The following DIAPH1 variants were observed in gnomAD, a reference collection of about 807,000 sequenced individuals.
DIAPH1 encodes protein diaphanous homolog 1.
DIAPH1 carries 46 observed loss-of-function variants against 140.7 expected under a neutral mutation model. That is an observed-to-expected ratio of 0.33 (90% CI 0.26 to 0.42). DIAPH1 has a LOEUF of 0.42. Ranked by LOEUF, DIAPH1 falls within the 10% of genes least tolerant of loss-of-function variation. DIAPH1 has a pLI of 1.00. For synonymous variants in DIAPH1, 565 were observed against 551.6 expected (o/e 1.02, Z -0.34); for missense variants, 1,310 against 1,558.7 (o/e 0.84, Z 2.69).
chr5:141,583,187 A>C lies in DIAPH1; in HGVS notation c.620+19T>G. The C allele has an allele frequency of 1.2e-6, 2 of 1,610,258 alleles. No individual in the cohort carries two copies. Among genetic ancestry groups the C allele is most frequent in the Non-Finnish European group, 1.7e-6 (2 of 1,176,468 alleles). On this transcript the variant is annotated intron_variant, in intron 6 of 27. Coordinates refer to ENST00000389054, the MANE Select transcript of DIAPH1 (RefSeq NM_005219.5). ...TGTGACTCTCCAACTTGAAGTTGCA[A>C]AGACTTGGAAGTCCTCACCCAGCAG...
chr5:141,614,571 T>G (rs2099902359), intron 1 of DIAPH1, among the ~76,000 whole-genome samples: 2 of 152,146 alleles, frequency 1.3e-5, no homozygotes, highest in Admixed American at 1.3e-4. Context: ...ATTTACCAAC[T>G]CTCCCAAGGC....
At chr5:141,538,779 T>G (rs185502834) in intron 18 of DIAPH1, among the ~76,000 whole-genome samples, 1,743 of 152,064 alleles carry the variant, frequency 0.011, 26 homozygotes, top group African/African-American at 0.028. Flanking sequence ...GTTTCGCCAC[T>G]TTGCCCAGGC....
In DIAPH1 at chr5:141,587,459, T is replaced by A. The variant is rs926350863; in HGVS notation, c.145-262A>T. On this transcript the variant is annotated intron_variant, in intron 2 of 27. Transcript: ENST00000389054. ...AAACCTCTTTAAACTAGAAGAAACA[T>A]TGTTCTTGATCTCCCCTGCCATTTC... 3 of 489,072 alleles carry A rather than the reference T, an allele frequency of 6.1e-6. No homozygotes were observed. The Admixed American group carries it at 1.0e-4, about 16-fold the overall frequency. The allele number at this position is 489,072 out of a possible 1,614,324, so 30.3% of individuals were successfully genotyped here. A position where few individuals can be genotyped will look rare whatever the true frequency, so the allele number is the denominator to read the frequency against.
At chr5:141,546,260 TA>T (rs1467627505) in intron 18 of DIAPH1, among the ~76,000 whole-genome samples, 1 of 152,008 alleles carries the variant, frequency 6.6e-6, no homozygotes, top group Non-Finnish European at 1.5e-5. Context: ...CGCATGCCTG[TA>T]ATCCCAGCTA....
chr5:141,572,782 A>T (rs1266263985), intron 16 of DIAPH1, among the ~76,000 whole-genome samples: 1 of 151,986 alleles, frequency 6.6e-6, no homozygotes, highest in Non-Finnish European at 1.5e-5. Flanking sequence ...AAAAAAAAAA[A>T]AATGGCCTGT....
intron 1 of DIAPH1, among the ~76,000 whole-genome samples, chr5:141,588,543 A>G (rs1320260301): frequency 6.6e-6 from 1 of 152,184 alleles, no homozygotes; most frequent in Non-Finnish European, 1.5e-5. Flanking sequence ...ATACACTTAT[A>G]AGATATGCTC....
chr5:141,521,917 A>G (rs1358152968), intron 27 of DIAPH1, among the ~76,000 whole-genome samples: 1 of 152,208 alleles, frequency 6.6e-6, no homozygotes, highest in Non-Finnish European at 1.5e-5. Context: ...ATTCTAGTCC[A>G]ACTCTCATTT....
chr5:141,548,384 A>G (rs1328401351), intron 18 of DIAPH1, among the ~76,000 whole-genome samples: 2 of 152,188 alleles, frequency 1.3e-5, no homozygotes, highest in Admixed American at 6.5e-5. Context: ...TAATATAGTA[A>G]AGGGAGTATT....
At chr5:141,618,675 G>A (rs542379972) in intron 1 of DIAPH1, 123 bp downstream of exon 1, 2 of 646,404 alleles carry the variant, frequency 3.1e-6, no homozygotes, top group African/African-American at 3.8e-5. Flanking sequence ...CGGACCGAGC[G>A]AAACGAGGAA....
At chr5:141,529,895 G>A (rs919920074) in intron 19 of DIAPH1, among the ~76,000 whole-genome samples, 198 bp from the exon 20 acceptor site, 4 of 152,004 alleles carry the variant, frequency 2.6e-5, no homozygotes, top group Non-Finnish European at 2.9e-5. Flanking sequence ...ACCAGCCTAG[G>A]CAACATGGGG....
intron 27 of DIAPH1, chr5:141,518,648 T>A (rs1366160254): frequency 2.8e-6 from 1 of 357,616 alleles, no homozygotes; most frequent in Non-Finnish European, 5.3e-6. Flanking sequence ...TCAGCCTCCC[T>A]AGTAGCTGGG....
intron 25 of DIAPH1, 48 bp from the exon 26 acceptor site, chr5:141,526,221 C>T (rs902773161): frequency 1.2e-6 from 2 of 1,614,004 alleles, no homozygotes; most frequent in African/African-American, 1.3e-5. Flanking sequence ...TGTATACCTA[C>T]TACCAGCCAA....
Position 141,529,793 on chromosome 5 carries a change from G to C in DIAPH1, c.2582-96C>G, listed in dbSNP as rs1265396565. On this transcript the variant is annotated intron_variant, in intron 19 of 27. Coordinates refer to ENST00000389054, the MANE Select transcript of DIAPH1 (RefSeq NM_005219.5). Reference sequence around the variant, plus strand: ...TATGCTGGATAATCTTCCTAACAGGGCTCTTTTAGGCCAGGCACAGTGGCT... The same window carrying C: ...TATGCTGGATAATCTTCCTAACAGGCCTCTTTTAGGCCAGGCACAGTGGCT... 3 of 1,084,842 alleles carry C rather than the reference G, an allele frequency of 2.8e-6. No homozygotes were observed. The East Asian group carries it at 7.3e-5, about 26-fold the overall frequency. 67.2% of individuals were successfully genotyped at this position (1,084,842 alleles called of 1,614,324 possible). A position where few individuals can be genotyped will look rare whatever the true frequency, so the allele number is the denominator to read the frequency against.
In DIAPH1 at chr5:141,552,552, T is replaced by C. The variant is rs1419833227; in HGVS notation, c.2483-18119A>G. 2.6e-5 allele frequency among the ~76,000 whole-genome samples: 4 copies of C among 152,302 alleles called. 1 individual carries two copies. Among genetic ancestry groups the C allele is most frequent in the Admixed American group, 6.5e-5 (1 of 15,298 alleles). On this transcript the variant is annotated intron_variant, in intron 18 of 27. Coordinates refer to ENST00000389054, the MANE Select transcript of DIAPH1 (RefSeq NM_005219.5). ...AGGAAATAGATTCTTCTTTAGAGCCTCCAGAAGGAATACAGCCCTGCCAAC... is the reference window on the plus strand; with the variant it reads ...AGGAAATAGATTCTTCTTTAGAGCCCCCAGAAGGAATACAGCCCTGCCAAC...
chr5:141,582,059 CAAAAAAAAAAAAA>C (rs70991705), intron 7 of DIAPH1: 2,035 of 79,754 alleles, frequency 0.026, 25 homozygotes, highest in Middle Eastern at 0.046. Flanking sequence ...GACTCCATCT[CAAAAAAAAAAAAA>C]AAAAAAAAAA....
chr5:141,547,216 C>CA (rs1174224209), intron 18 of DIAPH1, among the ~76,000 whole-genome samples: 1 of 152,206 alleles, frequency 6.6e-6, no homozygotes, highest in African/African-American at 2.4e-5. Flanking sequence ...GCGGTAATCC[C>CA]GCACTTTGGG....
chr5:141,548,515 T>C (rs2099891174), intron 18 of DIAPH1, among the ~76,000 whole-genome samples: 1 of 152,132 alleles, frequency 6.6e-6, no homozygotes, highest in African/African-American at 2.4e-5. Context: ...AGTAAAAATA[T>C]TTGTGGGGTT....
rs1381002556 is a variant in DIAPH1, at chr5:141,587,117, A to G, written c.225T>C (p.Tyr75=). The G allele has an allele frequency of 6.2e-7, 1 of 1,614,024 alleles. No individual in the cohort carries two copies. The highest frequency in any genetic ancestry group is 1.1e-5 in the South Asian group (1 of 91,084). ...ATGACTGTGCTGTGGGATCATCCCC[A>G]TATGATGCAGAAGAATTTCTATGAG... ...NSAHRNSSAS[Y]GDDPTAQSLQ... The change falls in exon 3 of 28, where the codon TAT becomes TAC. Residue 75 remains tyrosine, a synonymous_variant. Coordinates refer to ENST00000389054, the MANE Select transcript of DIAPH1 (RefSeq NM_005219.5).
At chr5:141,546,580 C>T (rs1429299052) in intron 18 of DIAPH1, among the ~76,000 whole-genome samples, 3 of 151,112 alleles carry the variant, frequency 2.0e-5, no homozygotes, top group East Asian at 1.9e-4. Context: ...TGATTGAACC[C>T]GAGAGGTGGA....
Sources: allele counts gnomAD v4.1 joint callset (sites outside exome capture counted in the v4.1 genomes callset), GRCh38; gene constraint gnomAD v4.1.1; transcripts MANE v1.5; gene names NCBI Gene and HGNC (gene_info 2026-07-23, HGNC 2026-07-21).